The following UNC5D variants were observed in gnomAD, a reference collection of about 807,000 sequenced individuals.
UNC5D encodes the protein netrin receptor UNC5D.
In UNC5D, 39 loss-of-function variants were observed where a neutral mutation model predicts 105.4. The ratio of observed to expected loss-of-function variants is 0.37; its 90% CI spans 0.29 to 0.48. UNC5D has a LOEUF of 0.48. Among genes scored for constraint, UNC5D ranks in the 20% least tolerant of loss-of-function variants. The pLI, the probability that UNC5D is intolerant of heterozygous loss-of-function variation, is 0.98. For synonymous variants in UNC5D, 452 were observed against 450.4 expected (o/e 1.00, Z -0.04); for missense variants, 991 against 1,202.4 (o/e 0.82, Z 2.60).
chr8:35,707,307 A>T (rs549776065), intron 8 of UNC5D, among the ~76,000 whole-genome samples: 1 of 152,298 alleles, frequency 6.6e-6, no homozygotes, highest in Admixed American at 6.5e-5. Context: ...AAGTCTAAGA[A>T]TTTGGGAAAA....
chr8:35,712,984 A>G (rs1374253668), intron 8 of UNC5D, among the ~76,000 whole-genome samples: 6 of 152,052 alleles, frequency 3.9e-5, no homozygotes, highest in African/African-American at 1.4e-4. Context: ...GACTTGCTTC[A>G]TCCTTCAGAA....
chr8:35,662,657 G>A (rs984207797), intron 4 of UNC5D, among the ~76,000 whole-genome samples: 1 of 152,060 alleles, frequency 6.6e-6, no homozygotes, highest in Non-Finnish European at 1.5e-5. Context: ...AGCAAATCTG[G>A]GCTAAAAATG....
rs1198292358 is a variant in UNC5D at position 35,754,912 on chromosome 8, CTA to C, written c.2163+4105_2163+4106del. ...TCGTCTCTATGAAAAATTAAATCTGCTATGTTTTTCAAAAATAAAAATGTCAT... is the reference window on the plus strand; with the variant it reads ...TCGTCTCTATGAAAAATTAAATCTGCTGTTTTTCAAAAATAAAAATGTCAT... On this transcript the variant is annotated intron_variant, in intron 13 of 16. Transcript: ENST00000404895. Among the ~76,000 whole-genome samples the C allele has an allele frequency of 2.6e-5, 4 of 152,092 alleles. No homozygotes were observed. The South Asian group carries it at 6.2e-4, about 24-fold the overall frequency.
intron 11 of UNC5D, among the ~76,000 whole-genome samples, chr8:35,731,455 TTCTGTAGAAAA>T (rs1250132264): frequency 6.9e-6 from 1 of 145,756 alleles, no homozygotes. Flanking sequence ...GGACTGGAAC[TTCTGTAGAAAA>T]TCTGAAACTA....
intron 1 of UNC5D, chr8:35,255,714 G>A (rs1321769602): frequency 3.3e-5 from 5 of 152,168 alleles, no homozygotes; most frequent in East Asian, 3.9e-4. Context: ...GAATATCTCA[G>A]TTGTGGTATA....
chr8:35,418,711 A>T (rs1805688914), intron 1 of UNC5D, among the ~76,000 whole-genome samples: 2 of 152,200 alleles, frequency 1.3e-5, no homozygotes. Flanking sequence ...CTCATCAGTA[A>T]TATCATGCTC....
At chr8:35,788,889 A>AT (rs1281832480) in intron 16 of UNC5D, among the ~76,000 whole-genome samples, 1 of 151,212 alleles carries the variant, frequency 6.6e-6, no homozygotes. Flanking sequence ...AAACTGAACC[A>AT]TTTTTTCCCG....
intron 4 of UNC5D, among the ~76,000 whole-genome samples, chr8:35,607,210 T>A (rs1563584974): frequency 6.6e-6 from 1 of 152,202 alleles, no homozygotes; most frequent in Non-Finnish European, 1.5e-5. Flanking sequence ...GGGAACAAAA[T>A]ATAGATGTAT....
At chr8:35,419,641 C>T (rs1462298392) in intron 1 of UNC5D, among the ~76,000 whole-genome samples, 1 of 152,170 alleles carries the variant, frequency 6.6e-6, no homozygotes, top group Admixed American at 6.5e-5. Context: ...AGGTGTGTTA[C>T]AGCTCGTTCG....
intron 1 of UNC5D, among the ~76,000 whole-genome samples, chr8:35,451,616 A>G (rs767430924): frequency 6.6e-6 from 1 of 152,080 alleles, no homozygotes; most frequent in Non-Finnish European, 1.5e-5. Flanking sequence ...TATTCCCTTT[A>G]TATTCTTAAA....
chr8:35,387,022 CT>C (rs1051370839), intron 1 of UNC5D, among the ~76,000 whole-genome samples: 2 of 151,830 alleles, frequency 1.3e-5, no homozygotes, highest in Non-Finnish European at 2.9e-5. Context: ...AATTCCCCCC[CT>C]GCTGTAGTGG....
At chr8:35,248,645 T>G (rs1361981711) in intron 1 of UNC5D, among the ~76,000 whole-genome samples, 1 of 98,350 alleles carries the variant, frequency 1.0e-5, no homozygotes, top group East Asian at 3.1e-4. Flanking sequence ...ATATATAATA[T>G]ATATATTTAT....
At chr8:35,458,791 T>C (rs1808673885) in intron 1 of UNC5D, among the ~76,000 whole-genome samples, 1 of 152,158 alleles carries the variant, frequency 6.6e-6, no homozygotes, top group African/African-American at 2.4e-5. Flanking sequence ...ATTATCAAAA[T>C]TTCTACACAA....
chr8:35,383,186 T>G (rs1332143121), intron 1 of UNC5D, among the ~76,000 whole-genome samples: 1 of 152,224 alleles, frequency 6.6e-6, no homozygotes, highest in Non-Finnish European at 1.5e-5. Context: ...TTAAATAGTT[T>G]GTCCAGCAGC....
At chr8:35,366,934 TC>T (rs1228396993) in intron 1 of UNC5D, among the ~76,000 whole-genome samples, 1 of 152,210 alleles carries the variant, frequency 6.6e-6, no homozygotes, top group East Asian at 1.9e-4. Context: ...TCTAGTGTAA[TC>T]TTTTCTACAA....
intron 1 of UNC5D, 30 bp downstream of exon 1, chr8:35,235,917 G>T: frequency 1.0e-6 from 1 of 984,926 alleles, no homozygotes; most frequent in South Asian, 6.1e-5. Flanking sequence ...GGCAGCTGGG[G>T]GCGAGGGCGC....
At chr8:35,716,719 G>A (rs1394083330) in intron 8 of UNC5D, among the ~76,000 whole-genome samples, 1 of 152,086 alleles carries the variant, frequency 6.6e-6, no homozygotes, top group Admixed American at 6.5e-5. Context: ...TTCGAGGTTG[G>A]GAAATTGGAA....
At chr8:35,480,470 G>A (rs1179054171) in intron 1 of UNC5D, among the ~76,000 whole-genome samples, 2 of 152,080 alleles carry the variant, frequency 1.3e-5, no homozygotes, top group African/African-American at 2.4e-5. Context: ...TTCCTTGGTG[G>A]AGCTCCTGAG....
At chr8:35,671,095 G>A (rs1824766243) in intron 4 of UNC5D, among the ~76,000 whole-genome samples, 2 of 151,588 alleles carry the variant, frequency 1.3e-5, no homozygotes, top group South Asian at 4.2e-4. Context: ...CCTTTTCCTT[G>A]CCCCACCTCC....
Sources: gnomAD v4.1 joint callset for allele counts (sites outside exome capture counted in the v4.1 genomes callset) on GRCh38, gnomAD v4.1.1 for gene constraint, MANE v1.5 for transcripts, NCBI Gene and HGNC (gene_info 2026-07-23, HGNC 2026-07-21) for gene names.